The following OSBPL11 variants were observed in gnomAD, a reference collection of about 807,000 sequenced individuals.
OSBPL11 encodes oxysterol binding protein like 11.
Under a neutral mutation model 84.4 loss-of-function variants are expected in OSBPL11, and 33 were observed. The ratio of observed to expected loss-of-function variants is 0.39; its 90% CI spans 0.30 to 0.52. OSBPL11 has a LOEUF of 0.52. OSBPL11 is among the 20% of genes least tolerant of loss of function. OSBPL11 has a pLI of 0.72. For synonymous variants in OSBPL11, 276 were observed against 310.2 expected (o/e 0.89, Z 1.16); for missense variants, 736 against 901.1 (o/e 0.82, Z 2.35).
Position 125,571,091 on chromosome 3 carries a change from C to T in OSBPL11, c.667-3496G>A, listed in dbSNP as rs561150874. Among the ~76,000 whole-genome samples, 41 of 152,218 alleles carry T rather than the reference C, an allele frequency of 2.7e-4. 1 individual carries two copies. The South Asian group carries it at 8.1e-3, about 30-fold the overall frequency. ...ATGGACAATAGTGTCCAGGCTGAGG[C>T]GATCTCAGATGGAATTGAGGAACTT... is the stretch of plus-strand genomic sequence containing the variant. On this transcript the variant is annotated intron_variant, in intron 5 of 12. Coordinates refer to ENST00000296220, the MANE Select transcript of OSBPL11 (RefSeq NM_022776.5).
chr3:125,582,879 A>T, intron 2 of OSBPL11, 31 bp downstream of exon 2: 1 of 1,495,406 alleles, frequency 6.7e-7, no homozygotes, highest in Non-Finnish European at 9.2e-7. Context: ...CTCTTAGGAG[A>T]GACTGATGTG....
At chr3:125,563,231 T>C (rs1185914660) in intron 7 of OSBPL11, among the ~76,000 whole-genome samples, 1 of 152,158 alleles carries the variant, frequency 6.6e-6, no homozygotes, top group African/African-American at 2.4e-5. Context: ...TTTATAAAAA[T>C]ATAAACCCTA....
At chr3:125,585,529 G>A (rs1394428908) in intron 1 of OSBPL11, among the ~76,000 whole-genome samples, 1 of 111,124 alleles carries the variant, frequency 9.0e-6, no homozygotes, top group African/African-American at 4.9e-5. Context: ...TAAAGAGTTA[G>A]CTTTCTGAAA....
At chr3:125,583,065 T>G in intron 1 of OSBPL11, 87 bp from the exon 2 acceptor site, 1 of 870,568 alleles carries the variant, frequency 1.1e-6, no homozygotes, top group Non-Finnish European at 1.8e-6. Context: ...TAGCTGCAGA[T>G]ACATATATGC....
chr3:125,553,125 A>G (rs1231153598), intron 8 of OSBPL11, among the ~76,000 whole-genome samples: 1 of 152,200 alleles, frequency 6.6e-6, no homozygotes, highest in Non-Finnish European at 1.5e-5. Context: ...AACAACAACA[A>G]AAAAGCATTC....
intron 5 of OSBPL11, among the ~76,000 whole-genome samples, chr3:125,567,916 C>A (rs1936183890): frequency 1.3e-5 from 2 of 150,618 alleles, no homozygotes; most frequent in Admixed American, 6.6e-5. Flanking sequence ...ATCACTTGAG[C>A]CCAGGAGGTT....
At chr3:125,574,263 C>T (rs1356650680) in intron 5 of OSBPL11, among the ~76,000 whole-genome samples, 2 of 149,408 alleles carry the variant, frequency 1.3e-5, no homozygotes, top group Admixed American at 1.3e-4. Flanking sequence ...CTGCCATGAA[C>T]TCACAGGAAA....
chr3:125,589,161 C>T (rs151335043), intron 1 of OSBPL11, among the ~76,000 whole-genome samples: 45 of 152,064 alleles, frequency 3.0e-4, no homozygotes, highest in African/African-American at 9.6e-4. Flanking sequence ...TCAGCCTGGC[C>T]AACATGGTGG....
At chr3:125,563,928 G>C (rs1936115739) in intron 6 of OSBPL11, 85 bp from the exon 7 acceptor site, 2 of 1,501,120 alleles carry the variant, frequency 1.3e-6, no homozygotes, top group African/African-American at 2.8e-5. Context: ...ATTTTGTTTT[G>C]AGCCTACAAG....
chr3:125,589,079 TGG>T (rs1936558778), intron 1 of OSBPL11, among the ~76,000 whole-genome samples: 1 of 152,128 alleles, frequency 6.6e-6, no homozygotes, highest in South Asian at 2.1e-4. Flanking sequence ...CCGGGTGCGG[TGG>T]CTCACGCCTG....
At chr3:125,590,530 G>A (rs1936580084) in intron 1 of OSBPL11, among the ~76,000 whole-genome samples, 1 of 151,976 alleles carries the variant, frequency 6.6e-6, no homozygotes, top group African/African-American at 2.4e-5. Flanking sequence ...ACTCCAGCCT[G>A]CACAAGAGGA....
intron 11 of OSBPL11, among the ~76,000 whole-genome samples, chr3:125,534,682 T>A (rs1227071663): frequency 6.7e-6 from 1 of 150,256 alleles, no homozygotes; most frequent in Non-Finnish European, 1.5e-5. Context: ...CAGAGGAAAA[T>A]TTACAGCATT....
Position 125,552,161 on chromosome 3 carries a change from A to ATG in OSBPL11, c.1654+19_1654+20insCA. 1 of 1,360,130 alleles carries ATG rather than the reference A, an allele frequency of 7.4e-7. No individual in the cohort carries two copies. The highest frequency in any genetic ancestry group is 9.8e-7 in the Non-Finnish European group (1 of 1,018,682). 84.3% of individuals were successfully genotyped at this position (1,360,130 alleles called of 1,614,324 possible). On this transcript the variant is annotated intron_variant, in intron 9 of 12. Coordinates refer to ENST00000296220, the MANE Select transcript of OSBPL11 (RefSeq NM_022776.5). ...TGTGTGTATATATATATATATATAT[A>ATG]AAATAATTTTTCTACTTACCTTCTC...
At chr3:125,561,334 A>G (rs28592792) in intron 7 of OSBPL11, among the ~76,000 whole-genome samples, 18,836 of 152,066 alleles carry the variant, frequency 0.12, 1,286 homozygotes, top group African/African-American at 0.17. Context: ...TAATCACATA[A>G]CCTCCTCTCT....
Position 125,594,513 on chromosome 3 carries a change from G to C in OSBPL11, c.164+124C>G, listed in dbSNP as rs1164349525. 4 of 1,118,880 alleles carry C rather than the reference G, an allele frequency of 3.6e-6. No individual in the cohort carries two copies. The African/African-American group carries it at 6.2e-5, about 17-fold the overall frequency. 69.3% of individuals were successfully genotyped at this position (1,118,880 alleles called of 1,614,324 possible). On this transcript the variant is annotated intron_variant, in intron 1 of 12. Coordinates refer to ENST00000296220, the MANE Select transcript of OSBPL11 (RefSeq NM_022776.5). ...GCGAGGTCCCAGATCCAAACGAGAT[G>C]TATCAGTAGCTTCTGGAAGCCAGTG...
intron 10 of OSBPL11, 93 bp from the exon 11 acceptor site, chr3:125,538,726 T>C: frequency 8.5e-7 from 1 of 1,175,730 alleles, no homozygotes; most frequent in Non-Finnish European, 1.2e-6. Context: ...CTGTGAATCC[T>C]GTTGAAATTA....
At chr3:125,578,330 C>G (rs1936362914) in intron 4 of OSBPL11, among the ~76,000 whole-genome samples, 1 of 152,072 alleles carries the variant, frequency 6.6e-6, no homozygotes, top group Admixed American at 6.6e-5. Context: ...ATAGACAAAT[C>G]CATGGAATAG....
At chr3:125,590,875 A>T (rs1268369125) in intron 1 of OSBPL11, among the ~76,000 whole-genome samples, 1 of 152,172 alleles carries the variant, frequency 6.6e-6, no homozygotes, top group East Asian at 1.9e-4. Flanking sequence ...GTAAATATCT[A>T]TCTAGAAATA....
chr3:125,572,434 G>A (rs888068369), intron 5 of OSBPL11, among the ~76,000 whole-genome samples: 2 of 152,058 alleles, frequency 1.3e-5, no homozygotes, highest in African/African-American at 2.4e-5. Context: ...ATTTGGGAGG[G>A]GCCAGAGGCA....
Sources: gnomAD v4.1 joint callset for allele counts (sites outside exome capture counted in the v4.1 genomes callset) on GRCh38, gnomAD v4.1.1 for gene constraint, MANE v1.5 for transcripts, NCBI Gene and HGNC (gene_info 2026-07-23, HGNC 2026-07-21) for gene names.